MAGI2: variants seen among roughly 807,000 people sequenced by gnomAD.
MAGI2 encodes membrane associated guanylate kinase, WW and PDZ domain containing 2.
Under a neutral mutation model 133.3 loss-of-function variants are expected in MAGI2, and 35 were observed. The observed-to-expected ratio is 0.26, with a 90% CI of 0.20 to 0.35. The LOEUF is 0.35. Ranked by LOEUF, MAGI2 falls within the 10% of genes least tolerant of loss-of-function variation. The pLI is 1.00. For synonymous variants in MAGI2, 729 were observed against 710.6 expected (o/e 1.03, Z -0.41); for missense variants, 1,636 against 1,863.4 (o/e 0.88, Z 2.25).
intron 2 of MAGI2, among the ~76,000 whole-genome samples, chr7:78,630,252 T>G (rs319861): frequency 0.32 from 48,313 of 151,418 alleles, 8,153 homozygotes; most frequent in East Asian, 0.62. Context: ...CTCTTTTTTT[T>G]GTCTATAATT....
chr7:78,146,115 T>C (rs1823284743), intron 16 of MAGI2, among the ~76,000 whole-genome samples: 1 of 152,168 alleles, frequency 6.6e-6, no homozygotes, highest in African/African-American at 2.4e-5. Context: ...TGCTTTATTA[T>C]TTTAAACATA....
chr7:78,125,552 T>C, intron 20 of MAGI2, 142 bp downstream of exon 20: 1 of 727,846 alleles, frequency 1.4e-6, no homozygotes, highest in Non-Finnish European at 2.1e-6. Flanking sequence ...GGCCAGACTT[T>C]TAAGAAACTG....
At chr7:78,605,900 A>G (rs1287907272) in intron 3 of MAGI2, among the ~76,000 whole-genome samples, 1 of 152,174 alleles carries the variant, frequency 6.6e-6, no homozygotes, top group Non-Finnish European at 1.5e-5. Context: ...AGATTCGGAC[A>G]CTAGAGAGAT....
chr7:78,228,437 G>A (rs898857634), intron 10 of MAGI2, among the ~76,000 whole-genome samples: 10 of 152,150 alleles, frequency 6.6e-5, no homozygotes, highest in Admixed American at 6.5e-4. Flanking sequence ...TGATGGGTTG[G>A]CCTTTTGAGT....
chr7:79,113,488 C>A (rs1198909430), intron 1 of MAGI2, among the ~76,000 whole-genome samples: 1 of 152,136 alleles, frequency 6.6e-6, no homozygotes, highest in African/African-American at 2.4e-5. Context: ...GTTTTGCTGT[C>A]TGTACTTAAA....
chr7:78,406,496 A>G (rs1018420235), intron 6 of MAGI2, among the ~76,000 whole-genome samples: 2 of 152,068 alleles, frequency 1.3e-5, no homozygotes, highest in Admixed American at 6.6e-5. Context: ...GATAGAAAAA[A>G]TATGATTTTA....
chr7:78,437,051 A>AC (rs1211956449), intron 6 of MAGI2, among the ~76,000 whole-genome samples: 6 of 152,092 alleles, frequency 3.9e-5, no homozygotes, highest in Non-Finnish European at 8.8e-5. Context: ...AAAGGTTCAG[A>AC]CTGAGGTGTG....
chr7:78,414,122 G>A (rs1049375751), intron 6 of MAGI2, among the ~76,000 whole-genome samples: 1 of 151,962 alleles, frequency 6.6e-6, no homozygotes, highest in Non-Finnish European at 1.5e-5. Context: ...GGCAGTTGAT[G>A]TATGGAAATA....
chr7:78,187,271 A>G (rs1827782292), intron 12 of MAGI2, among the ~76,000 whole-genome samples: 1 of 152,124 alleles, frequency 6.6e-6, no homozygotes, highest in Admixed American at 6.6e-5. Flanking sequence ...CTTGGAAGAA[A>G]TTTCATACCA....
At chr7:78,792,323 T>C (rs1190787878) in intron 2 of MAGI2, among the ~76,000 whole-genome samples, 1 of 152,218 alleles carries the variant, frequency 6.6e-6, no homozygotes, top group East Asian at 1.9e-4. Context: ...AGTTTTAAAA[T>C]AATGTGAAAA....
At chr7:78,550,801 T>C (rs1799273582) in intron 3 of MAGI2, among the ~76,000 whole-genome samples, 2 of 152,120 alleles carry the variant, frequency 1.3e-5, no homozygotes, top group African/African-American at 4.8e-5. Context: ...TTATAGCTAA[T>C]CATCCTTTCT....
chr7:79,012,714 C>T (rs1293917234), intron 1 of MAGI2, among the ~76,000 whole-genome samples: 1 of 152,096 alleles, frequency 6.6e-6, no homozygotes, highest in Non-Finnish European at 1.5e-5. Context: ...CAAATCATTT[C>T]TGGACCTCAT....
At chr7:78,461,699 G>A (rs1180871485) in intron 6 of MAGI2, among the ~76,000 whole-genome samples, 1 of 151,610 alleles carries the variant, frequency 6.6e-6, no homozygotes, top group Non-Finnish European at 1.5e-5. Flanking sequence ...ATCACCTGAG[G>A]TCGGGAGTCC....
intron 1 of MAGI2, among the ~76,000 whole-genome samples, chr7:79,441,779 C>A (rs115817614): frequency 1.3e-5 from 2 of 151,976 alleles, no homozygotes; most frequent in African/African-American, 4.8e-5. Flanking sequence ...CAAAGCAATG[C>A]CAGTACTTGG....
At chr7:78,647,218 A>G (rs1371959369) in intron 2 of MAGI2, among the ~76,000 whole-genome samples, 1 of 152,224 alleles carries the variant, frequency 6.6e-6, no homozygotes, top group Non-Finnish European at 1.5e-5. Flanking sequence ...GTGAACCTAC[A>G]GAATGGGAGA....
rs1014719229 is a variant in MAGI2, at chr7:78,401,083, T to A, written c.1046-31870A>T. ...CATTCCTTTGAAAAAAAAAATAAAA[T>A]TTTCTAACTCTCAAGAGCCTTAGCT... On this transcript the variant is annotated intron_variant, in intron 6 of 21. Transcript: ENST00000354212. Among the ~76,000 whole-genome samples, 20 of 151,816 alleles carry A rather than the reference T, an allele frequency of 1.3e-4. No homozygotes were observed. In the South Asian group the frequency reaches 1.9e-3, roughly 14 times the overall value.
At chr7:78,065,304 G>C (rs73362625) in intron 21 of MAGI2, among the ~76,000 whole-genome samples, 2 of 152,158 alleles carry the variant, frequency 1.3e-5, no homozygotes, top group Admixed American at 1.3e-4. Flanking sequence ...GTGGAACGCG[G>C]CCAGTGCTGC....
intron 2 of MAGI2, among the ~76,000 whole-genome samples, chr7:78,999,824 T>A (rs1380185062): frequency 6.6e-6 from 1 of 152,220 alleles, no homozygotes; most frequent in Non-Finnish European, 1.5e-5. Context: ...CTAACAACCA[T>A]ATTTATTCTC....
intron 1 of MAGI2, among the ~76,000 whole-genome samples, chr7:79,436,822 T>C (rs1230302529): frequency 6.6e-6 from 1 of 152,174 alleles, no homozygotes; most frequent in African/African-American, 2.4e-5. Context: ...GAATTTCCAT[T>C]CAATCCAGTA....
Sources: allele counts gnomAD v4.1 joint callset (sites outside exome capture counted in the v4.1 genomes callset), GRCh38; gene constraint gnomAD v4.1.1; transcripts MANE v1.5; gene names NCBI Gene and HGNC (gene_info 2026-07-23, HGNC 2026-07-21).